Variants in VDAC2 observed in about 807,000 individuals in gnomAD.
VDAC2 encodes non-selective voltage-gated ion channel VDAC2.
In VDAC2, 6 loss-of-function variants were observed where a neutral mutation model predicts 36.6. The observed-to-expected ratio is 0.16, with a 90% CI of 0.09 to 0.32. VDAC2 has a LOEUF of 0.32. Among genes scored for constraint, VDAC2 ranks in the 10% least tolerant of loss-of-function variants. The pLI, the probability that VDAC2 is intolerant of heterozygous loss-of-function variation, is 1.00. For synonymous variants in VDAC2, 109 were observed against 123.8 expected (o/e 0.88, Z 0.79); for missense variants, 247 against 346.0 (o/e 0.71, Z 2.27).
intron 3 of VDAC2, among the ~76,000 whole-genome samples, chr10:75,212,612 G>A (rs1019637575): frequency 1.3e-5 from 2 of 152,076 alleles, no homozygotes; most frequent in Non-Finnish European, 2.9e-5. Context: ...TAGAGGTGGG[G>A]TCTCACTGTG....
Position 75,222,371 on chromosome 10 carries a change from A to G in VDAC2, c.704A>G (p.Lys235Arg), listed in dbSNP as rs1261225828. 3 of 1,614,152 alleles carry G rather than the reference A, an allele frequency of 1.9e-6. No individual in the cohort carries two copies. Among genetic ancestry groups the G allele is most frequent in the East Asian group, 4.5e-5 (2 of 44,882 alleles). The change falls in exon 8 of 10, where the codon AAA becomes AGA. Residue 235 changes from lysine to arginine, a missense_variant. Lys to Arg is a conservative substitution (Grantham distance 26, BLOSUM62 2). Coordinates refer to ENST00000332211, the MANE Select transcript of VDAC2 (RefSeq NM_001391963.1). ...TNCTRFGIAA[K>R]YQLDPTASIS... ...TGCACTCGTTTTGGCATTGCAGCTA[A>G]ATATCAGTTGGATCCCACTGCTTCC...
chr10:75,212,509 T>C (rs1841457758), intron 3 of VDAC2, among the ~76,000 whole-genome samples: 1 of 152,154 alleles, frequency 6.6e-6, no homozygotes, highest in Admixed American at 6.5e-5. Context: ...CCTCCTGGGC[T>C]CAAGCGATCA....
intron 8 of VDAC2, among the ~76,000 whole-genome samples, chr10:75,225,707 GTC>G (rs1185311539): frequency 2.0e-5 from 3 of 152,160 alleles, no homozygotes; most frequent in Non-Finnish European, 2.9e-5. Flanking sequence ...TCATTCTCAT[GTC>G]TCTCTGGGCC....
At chr10:75,214,209 A>G (rs919109219) in intron 4 of VDAC2, 139 bp downstream of exon 4, 7 of 839,838 alleles carry the variant, frequency 8.3e-6, no homozygotes, top group Non-Finnish European at 1.3e-5. Flanking sequence ...ATTTGCGTGT[A>G]ACCTGATTTA....
chr10:75,227,898 C>CTT (rs1172542801), intron 8 of VDAC2, among the ~76,000 whole-genome samples: 38 of 133,552 alleles, frequency 2.8e-4, no homozygotes, highest in Non-Finnish European at 2.3e-4. Context: ...TTCTTTCTTT[C>CTT]TTTTTTTTTT....
intron 1 of VDAC2, 21 bp from the exon 2 acceptor site, chr10:75,211,113 C>T: frequency 6.3e-7 from 1 of 1,597,366 alleles, no homozygotes; most frequent in Non-Finnish European, 8.5e-7. Context: ...CAGCTTACCG[C>T]ACTTCTTGTC....
intron 2 of VDAC2, chr10:75,211,808 TA>T: frequency 9.6e-7 from 1 of 1,039,292 alleles, no homozygotes; most frequent in South Asian, 1.5e-5. Context: ...TCAGCGAAGA[TA>T]TTAAAGGACG....
At chr10:75,227,510 A>ACTCC (rs1388669311) in intron 8 of VDAC2, among the ~76,000 whole-genome samples, 1 of 151,366 alleles carries the variant, frequency 6.6e-6, no homozygotes, top group African/African-American at 2.4e-5. Flanking sequence ...AGAGGGAGAA[A>ACTCC]CTGAGTTTAT....
At chr10:75,220,260 C>T (rs567826927) in intron 6 of VDAC2, among the ~76,000 whole-genome samples, 69 of 152,236 alleles carry the variant, frequency 4.5e-4, no homozygotes, top group African/African-American at 1.5e-3. Context: ...CATATGCCAC[C>T]GTGCCTGGCT....
At chr10:75,212,415 A>C in intron 3 of VDAC2, 117 bp downstream of exon 3, 2 of 986,836 alleles carry the variant, frequency 2.0e-6, no homozygotes, top group Non-Finnish European at 2.9e-6. Flanking sequence ...TTAAATTTAG[A>C]GTTACTTATT....
intron 7 of VDAC2, among the ~76,000 whole-genome samples, chr10:75,221,987 A>G (rs1841827200): frequency 6.6e-6 from 1 of 152,218 alleles, no homozygotes; most frequent in Non-Finnish European, 1.5e-5. Flanking sequence ...AAAATACGTA[A>G]CCAAAAGGCT....
At chr10:75,229,866 CTTTT>C (rs376672322) in intron 9 of VDAC2, among the ~76,000 whole-genome samples, 165 bp downstream of exon 9, 1 of 138,300 alleles carries the variant, frequency 7.2e-6, no homozygotes, top group East Asian at 2.0e-4. Flanking sequence ...TTTTTCTTTG[CTTTT>C]TTTTTTTTTG....
chr10:75,212,104 G>T, intron 2 of VDAC2, 126 bp from the exon 3 acceptor site: 2 of 794,634 alleles, frequency 2.5e-6, no homozygotes, highest in Admixed American at 2.6e-5. Context: ...GCTCCTGACC[G>T]CATAAAAAAC....
chr10:75,230,864 G>A (rs758942084), intron 9 of VDAC2, 34 bp from the exon 10 acceptor site: 5 of 1,590,126 alleles, frequency 3.1e-6, no homozygotes, highest in South Asian at 1.1e-5. Context: ...GGTACATCAC[G>A]GTTTTTTGTT....
At chr10:75,212,890 G>C (rs555631436) in intron 3 of VDAC2, among the ~76,000 whole-genome samples, 3 of 152,190 alleles carry the variant, frequency 2.0e-5, no homozygotes, top group Non-Finnish European at 4.4e-5. Flanking sequence ...TGGTTGACTA[G>C]AGTTACGATA....
intron 3 of VDAC2, among the ~76,000 whole-genome samples, 173 bp from the exon 4 acceptor site, chr10:75,213,848 C>T (rs1461004858): frequency 6.6e-6 from 1 of 152,128 alleles, no homozygotes; most frequent in African/African-American, 2.4e-5. Flanking sequence ...CTTTATAAGC[C>T]AGTTTACAAA....
intron 4 of VDAC2, among the ~76,000 whole-genome samples, chr10:75,215,356 CTTT>C (rs894316957): frequency 7.0e-6 from 1 of 143,378 alleles, no homozygotes. Context: ...GAGAGAGAGA[CTTT>C]TTTTTTTTTT....
intron 4 of VDAC2, among the ~76,000 whole-genome samples, chr10:75,218,765 A>T (rs551669487): frequency 9.2e-5 from 14 of 152,272 alleles, no homozygotes; most frequent in African/African-American, 3.4e-4. Context: ...TGTCTCAAAA[A>T]AAAAAAAAGG....
chr10:75,211,340 G>A, intron 2 of VDAC2, 151 bp downstream of exon 2: 2 of 1,398,444 alleles, frequency 1.4e-6, no homozygotes, highest in Non-Finnish European at 9.6e-7. Flanking sequence ...CTCCTCTGCG[G>A]AGGAGGGGCT....
Sources: allele counts gnomAD v4.1 joint callset (sites outside exome capture counted in the v4.1 genomes callset), GRCh38; gene constraint gnomAD v4.1.1; transcripts MANE v1.5; gene names NCBI Gene and HGNC (gene_info 2026-07-23, HGNC 2026-07-21).